The following CPLANE1 variants were observed in gnomAD, a reference collection of about 807,000 sequenced individuals.
CPLANE1 encodes the protein ciliogenesis and planar polarity effector complex subunit 1.
CPLANE1 carries 263 observed loss-of-function variants against 362.5 expected under a neutral mutation model. That is an observed-to-expected ratio of 0.73 (90% CI 0.66 to 0.80). The LOEUF (loss-of-function observed/expected upper bound fraction) is 0.80, where lower values mean the gene tolerates loss of function less well. Ranked by LOEUF, CPLANE1 falls within the 30% of genes least tolerant of loss-of-function variation. CPLANE1 has a pLI of 0.00. For synonymous variants in CPLANE1, 1,212 were observed against 1,302.6 expected, an observed-to-expected ratio of 0.93 and a Z score of 1.50; for missense variants, 3,461 against 3,793.4, an observed-to-expected ratio of 0.91 and a Z score of 2.30.
At chr5:37,128,107 T>G (rs1022110179) in intron 46 of CPLANE1, among the ~76,000 whole-genome samples, 1 of 152,170 alleles carries the variant, frequency 6.6e-6, no homozygotes, top group African/African-American at 2.4e-5. Flanking sequence ...ATTAACAGAA[T>G]ACAGGATTTA....
the CPLANE1 span, chr5:37,085,655 G>C: frequency 9.5e-7 from 1 of 1,051,728 alleles, no homozygotes; most frequent in Non-Finnish European, 1.5e-6. Flanking sequence ...CACCAACAGA[G>C]AGAGGCACCC....
rs745629319 is a variant in CPLANE1 at position 37,164,312 on chromosome 5, A to G, written c.7549T>C (p.Cys2517Arg). ...AAGTCATCCAAAGGATGGGAACCAC[A>G]ATGTTCTTGTTGTTCCTAAATGAAT... ...IKKPKEQQEH[C>R]GSHPLDDFDV... The change falls in exon 37 of 53, where the codon TGT becomes CGT. Residue 2517 changes from cysteine to arginine, a missense_variant. By Grantham distance (180) the Cys-to-Arg change is radical (BLOSUM62 -3). This residue lies in a region of CPLANE1 where 3,380 missense variants were observed against 3,666.1 expected (regional missense o/e 0.92). Transcript: ENST00000651892. The G allele has an allele frequency of 6.2e-6, 10 of 1,613,326 alleles. No homozygotes were observed. The South Asian group carries it at 9.9e-5, about 16-fold the overall frequency.
rs1247617887 is a variant in CPLANE1, at chr5:37,206,343, T to C, written c.3003A>G (p.Thr1001=). 7 of 1,551,674 alleles carry C rather than the reference T, an allele frequency of 4.5e-6. No individual in the cohort carries two copies. In the South Asian group the frequency reaches 5.9e-5, roughly 13 times the overall value. ...ATAGTAATTCAAGTGCATATTCAAC[T>C]GTCCACACATTAGAGAGATTCTGAT... ...VRDQNLSNVW[T]VEYALELLFI... is the part of the protein sequence containing the mutation. The change falls in exon 17 of 53, where the codon ACA becomes ACG. Residue 1001 remains threonine, a synonymous_variant. Transcript: ENST00000651892.
At chr5:37,213,357 T>C (rs1360421572) in intron 16 of CPLANE1, among the ~76,000 whole-genome samples, 1 of 152,244 alleles carries the variant, frequency 6.6e-6, no homozygotes, top group Non-Finnish European at 1.5e-5. Flanking sequence ...TTTGTGATTT[T>C]AAAAAGCCAT....
intron 2 of CPLANE1, 29 bp from the exon 3 acceptor site, chr5:37,245,874 A>G: frequency 6.9e-7 from 1 of 1,457,770 alleles, no homozygotes; most frequent in Non-Finnish European, 9.0e-7. Flanking sequence ...GAAGGACTCA[A>G]GAGGTGCCAG....
chr5:37,196,506 G>A (rs1020829990), intron 20 of CPLANE1, among the ~76,000 whole-genome samples: 8 of 152,122 alleles, frequency 5.3e-5, no homozygotes, highest in South Asian at 2.1e-4. Flanking sequence ...AGGGGTTGAC[G>A]GGGATACTTG....
chr5:37,149,379 T>C (rs1001235552), intron 42 of CPLANE1, among the ~76,000 whole-genome samples: 1 of 152,200 alleles, frequency 6.6e-6, no homozygotes, highest in East Asian at 1.9e-4. Flanking sequence ...TAATATCTAA[T>C]ACAATGTAAA....
At chr5:37,215,030 A>T (rs1395542219) in intron 15 of CPLANE1, among the ~76,000 whole-genome samples, 1 of 152,154 alleles carries the variant, frequency 6.6e-6, no homozygotes, top group Non-Finnish European at 1.5e-5. Flanking sequence ...ACAATACTGG[A>T]AATGTATTTT....
chr5:37,097,428 A>T, the CPLANE1 span, among the ~76,000 whole-genome samples: 1 of 152,174 alleles, frequency 6.6e-6, no homozygotes, highest in Non-Finnish European at 1.5e-5. Flanking sequence ...AGGTGAAGAG[A>T]AGATCAATGG....
intron 44 of CPLANE1, 46 bp from the exon 45 acceptor site, chr5:37,139,416 C>A: frequency 9.0e-7 from 1 of 1,107,522 alleles, no homozygotes. Flanking sequence ...TTTTTTTTTG[C>A]TTTCAATTGT....
At chr5:37,186,500 A>C in intron 23 of CPLANE1, 106 bp from the exon 24 acceptor site, 1 of 637,714 alleles carries the variant, frequency 1.6e-6, no homozygotes. Flanking sequence ...CACATTTCTT[A>C]CTAATCTTTT....
chr5:37,092,061 T>C, the CPLANE1 span, among the ~76,000 whole-genome samples: 1 of 152,234 alleles, frequency 6.6e-6, no homozygotes, highest in Non-Finnish European at 1.5e-5. Context: ...CTTTTTATGC[T>C]CTTGCTTTGT....
chr5:37,240,719 T>G (rs893184130), intron 6 of CPLANE1, among the ~76,000 whole-genome samples: 2 of 152,016 alleles, frequency 1.3e-5, no homozygotes, highest in African/African-American at 4.8e-5. Flanking sequence ...GGGACGAACA[T>G]CCAAACTATA....
chr5:37,149,663 A>C (rs1243123591), intron 42 of CPLANE1, among the ~76,000 whole-genome samples: 1 of 152,204 alleles, frequency 6.6e-6, no homozygotes, highest in Admixed American at 6.5e-5. Flanking sequence ...AACGATTATA[A>C]CAATATACTG....
intron 6 of CPLANE1, among the ~76,000 whole-genome samples, chr5:37,242,182 G>A (rs936793943): frequency 6.6e-6 from 1 of 151,646 alleles, no homozygotes; most frequent in South Asian, 2.1e-4. Flanking sequence ...GTGAAACCCC[G>A]TCTCTACTAA....
At chr5:37,087,692 G>A in the CPLANE1 span, among the ~76,000 whole-genome samples, 2 of 152,116 alleles carry the variant, frequency 1.3e-5, no homozygotes, top group African/African-American at 4.8e-5. Flanking sequence ...TCCTGACCTC[G>A]TGATCCACCC....
At chr5:37,148,121 C>T (rs1012306399) in intron 43 of CPLANE1, 60 bp downstream of exon 43, 4 of 1,275,440 alleles carry the variant, frequency 3.1e-6, no homozygotes, top group Non-Finnish European at 4.5e-6. Context: ...CAAAACAATG[C>T]ACATTCTTTC....
At chr5:37,124,255 A>G (rs1763526284) in intron 47 of CPLANE1, among the ~76,000 whole-genome samples, 1 of 152,084 alleles carries the variant, frequency 6.6e-6, no homozygotes, top group South Asian at 2.1e-4. Context: ...TCAGATTACA[A>G]AGTAAAAGAT....
At chr5:37,184,691 A>G in intron 25 of CPLANE1, 97 bp downstream of exon 25, 1 of 942,682 alleles carries the variant, frequency 1.1e-6, no homozygotes, top group Non-Finnish European at 1.6e-6. Context: ...TAGCACAATC[A>G]GTGAGGGTTG....
Sources: gnomAD v4.1 joint callset for allele counts (sites outside exome capture counted in the v4.1 genomes callset) on GRCh38, gnomAD v4.1.1 for gene constraint, gnomAD v4.1.1 regional missense constraint, MANE v1.5 for transcripts, NCBI Gene and HGNC (gene_info 2026-07-23, HGNC 2026-07-21) for gene names.